MAPK10: variants seen among roughly 807,000 people sequenced by gnomAD.
MAPK10 encodes the protein JNK3 alpha protein kinase.
MAPK10 carries 25 observed loss-of-function variants against 59.3 expected under a neutral mutation model. That is an observed-to-expected ratio of 0.42 (90% CI 0.31 to 0.59). The LOEUF (loss-of-function observed/expected upper bound fraction) is 0.59, where lower values mean the gene tolerates loss of function less well. MAPK10 is among the 20% of genes least tolerant of loss of function. The pLI is 0.15. For synonymous variants in MAPK10, 190 were observed against 200.5 expected, an observed-to-expected ratio of 0.95 and a Z score of 0.44; for missense variants, 351 against 568.9, an observed-to-expected ratio of 0.62 and a Z score of 3.90.
chr4:86,090,647 G>GAA (rs1396821784), intron 9 of MAPK10: 2 of 151,994 alleles, frequency 1.3e-5, no homozygotes, highest in Non-Finnish European at 2.9e-5. Flanking sequence ...TTTGATTAAA[G>GAA]AAAAAAACGG....
intron 2 of MAPK10, among the ~76,000 whole-genome samples, chr4:86,219,260 C>T (rs920325370): frequency 2.0e-5 from 3 of 152,138 alleles, no homozygotes; most frequent in Admixed American, 6.5e-5. Flanking sequence ...TGGCACACAT[C>T]CTCTCTTGCA....
At chr4:86,324,875 A>G (rs2095986282) in intron 2 of MAPK10, among the ~76,000 whole-genome samples, 1 of 152,152 alleles carries the variant, frequency 6.6e-6, no homozygotes, top group Non-Finnish European at 1.5e-5. Flanking sequence ...ACATATACAC[A>G]TAGACTATAA....
At chr4:86,447,859 C>T (rs1257203439) in intron 1 of MAPK10, among the ~76,000 whole-genome samples, 2 of 151,998 alleles carry the variant, frequency 1.3e-5, no homozygotes, top group African/African-American at 4.8e-5. Context: ...TTAATTCTTT[C>T]TTTTTTACAC....
intron 3 of MAPK10, among the ~76,000 whole-genome samples, chr4:86,184,122 T>C (rs1172878597): frequency 6.6e-6 from 1 of 152,238 alleles, no homozygotes; most frequent in Non-Finnish European, 1.5e-5. Context: ...TTTCTTTTGC[T>C]GTGCAGAAGC....
intron 1 of MAPK10, among the ~76,000 whole-genome samples, chr4:86,574,709 A>G (rs534422154): frequency 6.6e-6 from 1 of 152,238 alleles, no homozygotes; most frequent in East Asian, 1.9e-4. Flanking sequence ...TGTTAATCTT[A>G]TGTTCTGTGA....
At chr4:86,408,326 G>A (rs1014758798) in intron 1 of MAPK10, among the ~76,000 whole-genome samples, 1 of 152,098 alleles carries the variant, frequency 6.6e-6, no homozygotes, top group Admixed American at 6.6e-5. Flanking sequence ...TTGGTTCCAA[G>A]TCTTTGCTAT....
intron 2 of MAPK10, among the ~76,000 whole-genome samples, chr4:86,243,629 T>C (rs1243495032): frequency 6.6e-6 from 1 of 152,072 alleles, no homozygotes; most frequent in African/African-American, 2.4e-5. Context: ...ACCTCTCTTC[T>C]CCCAGATTCC....
intron 1 of MAPK10, among the ~76,000 whole-genome samples, chr4:86,546,635 A>G (rs565576839): frequency 6.6e-6 from 1 of 152,084 alleles, no homozygotes; most frequent in Non-Finnish European, 1.5e-5. Context: ...TTCTGAGTAT[A>G]GGTCCTATGT....
At position 86,029,263 on chromosome 4, in the gene MAPK10, T is replaced by C. The variant is rs895854132; in HGVS notation, c.1186A>G (p.Lys396Glu). Residue 396 changes from lysine (K) to glutamate (E), a missense_variant, in exon 13 of 14, where the codon AAG becomes GAG. Around this residue, in one of 5 missense-constraint regions of MAPK10, gnomAD observed 155 missense variants for 204.2 expected, o/e 0.76. Coordinates refer to ENST00000641462, the MANE Select transcript of MAPK10 (RefSeq NM_138982.4). ...TIEEWKELIYKEVMNSEEKTK... is the reference protein window; with the variant it reads ...TIEEWKELIYEEVMNSEEKTK... ...TTTTCTTCTGAATTCATTACTTCCT[T>C]GTAGATAAGTTCTGTAAGAAACAGC... The C allele has an allele frequency of 1.2e-5, 19 of 1,605,336 alleles. No homozygotes were observed. The highest frequency in any genetic ancestry group is 1.6e-5 in the Non-Finnish European group (19 of 1,172,702).
chr4:86,127,917 A>G (rs1311588350), intron 4 of MAPK10, among the ~76,000 whole-genome samples: 1 of 152,014 alleles, frequency 6.6e-6, no homozygotes, highest in East Asian at 1.9e-4. Flanking sequence ...TAAAGACTAG[A>G]TATAATTGTT....
At chr4:86,207,058 C>T (rs2149344036) in intron 2 of MAPK10, among the ~76,000 whole-genome samples, 1 of 151,316 alleles carries the variant, frequency 6.6e-6, no homozygotes, top group East Asian at 1.9e-4. Flanking sequence ...TAATTAGATC[C>T]CATTTGTCAA....
chr4:86,556,643 T>C (rs1760291640), intron 1 of MAPK10, among the ~76,000 whole-genome samples: 1 of 152,008 alleles, frequency 6.6e-6, no homozygotes, highest in Non-Finnish European at 1.5e-5. Flanking sequence ...AAAAGAGAAA[T>C]ATTTTTGTTT....
intron 1 of MAPK10, among the ~76,000 whole-genome samples, chr4:86,475,915 C>A (rs774777693): frequency 6.6e-6 from 1 of 152,108 alleles, no homozygotes; most frequent in African/African-American, 2.4e-5. Flanking sequence ...TAAACCTAAA[C>A]GCCTTATTTT....
chr4:86,547,869 T>C (rs1206812628), intron 1 of MAPK10, among the ~76,000 whole-genome samples: 1 of 152,222 alleles, frequency 6.6e-6, no homozygotes, highest in Non-Finnish European at 1.5e-5. Context: ...TGTATTTAGC[T>C]ACTCTGGTGG....
At chr4:86,484,981 A>G (rs896127445) in intron 1 of MAPK10, among the ~76,000 whole-genome samples, 5 of 152,234 alleles carry the variant, frequency 3.3e-5, no homozygotes, top group African/African-American at 1.2e-4. Context: ...TCTGAATTAA[A>G]TAAGTGGTTA....
Position 86,359,797 on chromosome 4 carries a change from T to G in MAPK10, c.-261A>C. The G allele has an allele frequency of 1.0e-6, 1 of 985,632 alleles. No homozygotes were observed. The highest frequency in any genetic ancestry group is 1.2e-6 in the Non-Finnish European group (1 of 829,894). The allele number at this position is 985,632 out of a possible 1,614,324, so 61.1% of individuals were successfully genotyped here. A position where few individuals can be genotyped will look rare whatever the true frequency, so the allele number is the denominator to read the frequency against. Reference sequence around the variant, plus strand: ...TATGGAGATTGTTTAAAATTAACGATGGACAGGTGATTTCCAAGAAAACCC... The same window carrying G: ...TATGGAGATTGTTTAAAATTAACGAGGGACAGGTGATTTCCAAGAAAACCC... On this transcript the variant is annotated 5_prime_UTR_variant, in exon 1 of 14. Coordinates refer to ENST00000641462, the MANE Select transcript of MAPK10 (RefSeq NM_138982.4).
At chr4:86,443,625 A>G (rs1749677610) in intron 1 of MAPK10, among the ~76,000 whole-genome samples, 1 of 152,076 alleles carries the variant, frequency 6.6e-6, no homozygotes, top group African/African-American at 2.4e-5. Flanking sequence ...ACAAACACAC[A>G]CACACGCACA....
intron 1 of MAPK10, among the ~76,000 whole-genome samples, chr4:86,423,793 A>G (rs947407830): frequency 5.5e-5 from 8 of 146,286 alleles, no homozygotes; most frequent in African/African-American, 2.0e-4. Flanking sequence ...ATATATATAT[A>G]TATGTTTAGG....
At chr4:86,026,927 G>A (rs1250285335) in intron 13 of MAPK10, 2 of 152,098 alleles carry the variant, frequency 1.3e-5, no homozygotes, top group Non-Finnish European at 2.9e-5. Context: ...GATTTGTAGG[G>A]TCTGCCAATT....
Sources: gnomAD v4.1 joint callset for allele counts (sites outside exome capture counted in the v4.1 genomes callset) on GRCh38, gnomAD v4.1.1 for gene constraint, gnomAD v4.1.1 regional missense constraint, MANE v1.5 for transcripts, NCBI Gene and HGNC (gene_info 2026-07-23, HGNC 2026-07-21) for gene names.